The following PLXNA4 variants were observed in gnomAD, a reference collection of about 807,000 sequenced individuals.
The protein encoded by PLXNA4 is plexin-A4.
PLXNA4 carries 44 observed loss-of-function variants against 191.8 expected under a neutral mutation model. The observed-to-expected ratio is 0.23, with a 90% CI of 0.18 to 0.29. The LOEUF is 0.29. Ranked by LOEUF, PLXNA4 falls within the 10% of genes least tolerant of loss-of-function variation. The pLI, the probability that PLXNA4 is intolerant of heterozygous loss-of-function variation, is 1.00. For missense variants in PLXNA4, 1,800 were observed against 2,488.8 expected (o/e 0.72, Z 5.89); for synonymous variants, 1,082 against 1,009.5 (o/e 1.07, Z -1.36).
At chr7:132,590,128 A>G (rs1802579625) in intron 2 of PLXNA4, among the ~76,000 whole-genome samples, 2 of 152,252 alleles carry the variant, frequency 1.3e-5, no homozygotes, top group Non-Finnish European at 2.9e-5. Flanking sequence ...AATCTATTGT[A>G]GCTCTGAAAA....
chr7:132,450,588 A>G (rs78525977), intron 3 of PLXNA4, among the ~76,000 whole-genome samples: 2,004 of 152,266 alleles, frequency 0.013, 57 homozygotes, highest in African/African-American at 0.046. Context: ...AGCTACTGAG[A>G]AGGGTGGACT....
At chr7:132,249,530 A>G (rs566947540) in intron 4 of PLXNA4, among the ~76,000 whole-genome samples, 22 of 152,298 alleles carry the variant, frequency 1.4e-4, no homozygotes, top group African/African-American at 5.3e-4. Context: ...CAGGCTTCCC[A>G]GTGTGGGCTG....
At chr7:132,381,723 C>T (rs1178620519) in intron 3 of PLXNA4, among the ~76,000 whole-genome samples, 1 of 152,198 alleles carries the variant, frequency 6.6e-6, no homozygotes, top group Non-Finnish European at 1.5e-5. Context: ...TGATTCAAAT[C>T]AGATTGGAAA....
chr7:132,500,787 G>A (rs965988767), intron 2 of PLXNA4, among the ~76,000 whole-genome samples: 2 of 152,102 alleles, frequency 1.3e-5, no homozygotes, highest in African/African-American at 2.4e-5. Context: ...CTTTCCTTAG[G>A]AGCTTCCGGA....
chr7:132,300,356 T>G (rs1801257737), intron 3 of PLXNA4, among the ~76,000 whole-genome samples: 1 of 152,184 alleles, frequency 6.6e-6, no homozygotes, highest in Non-Finnish European at 1.5e-5. Flanking sequence ...CTGTCTCTAG[T>G]CTGTACAATT....
At chr7:132,205,166 A>T (rs533831890) in intron 10 of PLXNA4, among the ~76,000 whole-genome samples, 108 of 152,276 alleles carry the variant, frequency 7.1e-4, no homozygotes, top group African/African-American at 2.2e-3. Flanking sequence ...TCACCTCCCC[A>T]GAGGTTGTCT....
chr7:132,539,687 T>A (rs1236605953), intron 1 of PLXNA4, among the ~76,000 whole-genome samples: 3 of 152,152 alleles, frequency 2.0e-5, no homozygotes, highest in African/African-American at 4.8e-5. Context: ...TTTCACAGGG[T>A]TGTTGGTTAC....
intron 3 of PLXNA4, among the ~76,000 whole-genome samples, chr7:132,448,998 G>GT (rs1796014480): frequency 1.3e-5 from 2 of 149,698 alleles, no homozygotes; most frequent in Non-Finnish European, 2.9e-5. Context: ...ATAAAATTTT[G>GT]GTTTATTAAT....
chr7:132,203,657 A>T (rs1797518771), intron 10 of PLXNA4, among the ~76,000 whole-genome samples: 1 of 152,214 alleles, frequency 6.6e-6, no homozygotes, highest in African/African-American at 2.4e-5. Context: ...CCAGGCCTCC[A>T]AGCATGCCCC....
At chr7:132,350,467 G>A (rs1803434682) in intron 3 of PLXNA4, among the ~76,000 whole-genome samples, 1 of 152,090 alleles carries the variant, frequency 6.6e-6, no homozygotes, top group African/African-American at 2.4e-5. Flanking sequence ...TTGTGCCACT[G>A]CACTCCAGCC....
intron 3 of PLXNA4, among the ~76,000 whole-genome samples, chr7:132,407,471 C>A (rs1794269342): frequency 6.6e-6 from 1 of 152,210 alleles, no homozygotes; most frequent in Admixed American, 6.5e-5. Context: ...CACACATGCA[C>A]ATGCACACAA....
chr7:132,423,863 C>T (rs1032036197), intron 3 of PLXNA4, among the ~76,000 whole-genome samples: 4 of 152,204 alleles, frequency 2.6e-5, no homozygotes, highest in African/African-American at 9.6e-5. Flanking sequence ...GATGGCCACA[C>T]TACAGCCACC....
chr7:132,477,152 A>G (rs150215201), intron 3 of PLXNA4, among the ~76,000 whole-genome samples: 1 of 152,350 alleles, frequency 6.6e-6, no homozygotes, highest in East Asian at 1.9e-4. Context: ...ATAGTTCTTG[A>G]CTGAATGTTG....
In PLXNA4 at chr7:132,180,750, C is replaced by T; in HGVS notation, c.3493-18G>A. On this transcript the variant is annotated intron_variant, in intron 18 of 31. Coordinates refer to ENST00000321063, the MANE Select transcript of PLXNA4 (RefSeq NM_020911.2). ...TTCTTGCCCTGTACAAATGGGAAAG[C>T]ACCAGTTCCCACCCCAGAGTGAGGA... 6.2e-7 allele frequency: 1 copy of T among 1,602,866 alleles called. No individual in the cohort carries two copies. Among genetic ancestry groups the T allele is most frequent in the African/African-American group, 1.3e-5 (1 of 74,864 alleles).
At chr7:132,595,018 TAGACAGACAGACAGACAGACAGAC>T (rs200153876) in intron 2 of PLXNA4, among the ~76,000 whole-genome samples, 3 of 31,594 alleles carry the variant, frequency 9.5e-5, no homozygotes, top group African/African-American at 2.2e-4. Flanking sequence ...GATAGATAGA[TAGACAGACAGACAGACAGACAGAC>T]AGATAGATAG....
intron 2 of PLXNA4, among the ~76,000 whole-genome samples, chr7:132,609,827 G>T (rs1475260497): frequency 6.6e-6 from 1 of 152,194 alleles, no homozygotes; most frequent in Non-Finnish European, 1.5e-5. Context: ...TAGAGCAGTA[G>T]CTGGGACAAC....
rs1034420519 is a variant in PLXNA4, at chr7:132,155,654, C to A, written c.4660+3819G>T. Reference sequence around the variant, plus strand: ...GGGGGAGTGCTACCTGGGCACTGTGCCTTAGAGCTCTGCCTCAGTCCCAAC... The same window carrying A: ...GGGGGAGTGCTACCTGGGCACTGTGACTTAGAGCTCTGCCTCAGTCCCAAC... On this transcript the variant is annotated intron_variant, in intron 25 of 31. Coordinates refer to ENST00000321063, the MANE Select transcript of PLXNA4 (RefSeq NM_020911.2). Among the ~76,000 whole-genome samples, 4 of 152,244 alleles carry A rather than the reference C, an allele frequency of 2.6e-5. No homozygotes were observed. The East Asian group carries it at 7.7e-4, about 29-fold the overall frequency.
At chr7:132,460,431 G>GA (rs1328347107) in intron 3 of PLXNA4, among the ~76,000 whole-genome samples, 9 of 152,138 alleles carry the variant, frequency 5.9e-5, no homozygotes, top group Non-Finnish European at 1.0e-4. Flanking sequence ...TAGCTGCATG[G>GA]AAAAAATTAG....
At position 132,336,395 on chromosome 7, in the gene PLXNA4, A is replaced by T. The variant is rs930153785; in HGVS notation, c.1372-38173T>A. ...AGAGTAGTCTTTCCAAAGTTTTCACATTGTATATCCTGATATGGGGGTTCA... is the reference window on the plus strand; with the variant it reads ...AGAGTAGTCTTTCCAAAGTTTTCACTTTGTATATCCTGATATGGGGGTTCA... On this transcript the variant is annotated intron_variant, in intron 3 of 31. Transcript: ENST00000321063. Among the ~76,000 whole-genome samples the T allele has an allele frequency of 2.0e-5, 3 of 152,094 alleles. No homozygotes were observed. The South Asian group carries it at 6.2e-4, about 32-fold the overall frequency.
Sources: gnomAD v4.1 joint callset for allele counts (sites outside exome capture counted in the v4.1 genomes callset) on GRCh38, gnomAD v4.1.1 for gene constraint, MANE v1.5 for transcripts, NCBI Gene and HGNC (gene_info 2026-07-23, HGNC 2026-07-21) for gene names.